CHAF1A: variants seen among roughly 807,000 people sequenced by gnomAD.
CHAF1A encodes the protein chromatin assembly factor 1 subunit A.
Under a neutral mutation model 93.2 loss-of-function variants are expected in CHAF1A, and 5 were observed. The observed-to-expected ratio is 0.05, with a 90% CI of 0.03 to 0.11. The LOEUF is 0.11. Among genes scored for constraint, CHAF1A ranks in the 10% least tolerant of loss-of-function variants. The pLI, the probability that CHAF1A is intolerant of heterozygous loss-of-function variation, is 1.00. For synonymous variants in CHAF1A, 504 were observed against 510.3 expected, an observed-to-expected ratio of 0.99 and a Z score of 0.17; for missense variants, 1,102 against 1,259.9, an observed-to-expected ratio of 0.87 and a Z score of 1.90.
chr19:4,403,260 C>A (rs919288688), intron 1 of CHAF1A, among the ~76,000 whole-genome samples: 1 of 152,124 alleles, frequency 6.6e-6, no homozygotes, highest in Non-Finnish European at 1.5e-5. Context: ...TCGGGGTAAG[C>A]CCGGGTAAGA....
chr19:4,447,046 C>T, downstream of CHAF1A: 1 of 917,260 alleles, frequency 1.1e-6, no homozygotes, highest in East Asian at 2.6e-5. Flanking sequence ...TGGGGCCCAG[C>T]CCTGGGGGTG....
intron 3 of CHAF1A, among the ~76,000 whole-genome samples, chr19:4,414,988 G>A (rs942066845): frequency 1.3e-5 from 2 of 152,174 alleles, no homozygotes; most frequent in Non-Finnish European, 2.9e-5. Flanking sequence ...TAGGCTCTGA[G>A]AGGATTATCT....
At chr19:4,402,848 G>T (rs1031786619) in intron 1 of CHAF1A, 34 bp downstream of exon 1, 54 of 1,170,162 alleles carry the variant, frequency 4.6e-5, no homozygotes, top group East Asian at 7.1e-5. Flanking sequence ...GGAAGGGGGG[G>T]CGCGGCGCGC....
At chr19:4,446,538 G>C, downstream of CHAF1A, 3 of 1,612,062 alleles carry the variant, frequency 1.9e-6, no homozygotes, top group Non-Finnish European at 2.5e-6. Context: ...CTGCTGTGAG[G>C]TTGAAGAAGT....
intron 13 of CHAF1A, among the ~76,000 whole-genome samples, chr19:4,441,775 G>A (rs547144937): frequency 2.6e-4 from 39 of 152,154 alleles, no homozygotes; most frequent in Non-Finnish European, 4.6e-4. Context: ...TCAGGCGCCT[G>A]TAGTCCCAGC....
intron 3 of CHAF1A, among the ~76,000 whole-genome samples, chr19:4,410,337 T>C (rs1599639192): frequency 6.6e-6 from 1 of 150,988 alleles, no homozygotes; most frequent in East Asian, 2.0e-4. Context: ...GAAGATCACT[T>C]CAAAACCAAC....
chr19:4,435,087 C>CT (rs869255408), intron 13 of CHAF1A, among the ~76,000 whole-genome samples: 32,243 of 87,860 alleles, frequency 0.37, 5,915 homozygotes, highest in Non-Finnish European at 0.39. Context: ...CTTTTTTTTC[C>CT]TTTTTTTTTT....
chr19:4,422,324 T>A lies in CHAF1A; in HGVS notation c.1018-242T>A, dbSNP rs1038387957. Among the ~76,000 whole-genome samples the A allele has an allele frequency of 1.3e-5, 2 of 151,452 alleles. No individual in the cohort carries two copies. Among genetic ancestry groups the A allele is most frequent in the African/African-American group, 2.4e-5 (1 of 40,954 alleles). On this transcript the variant is annotated intron_variant, in intron 4 of 14. Coordinates refer to ENST00000301280, the MANE Select transcript of CHAF1A (RefSeq NM_005483.3). This position sits in a 1 kb window ranked among gnomAD's most constrained non-coding sequence, Gnocchi z 4.6. The stretch of plus-strand genomic sequence containing the variant: ...CCACCGCGCGCAGCCAATTTTTGTA[T>A]TTTTAGTAGAGACAGGGTTTCACCC...
chr19:4,435,499 C>T (rs189348444), intron 13 of CHAF1A, among the ~76,000 whole-genome samples: 1 of 151,608 alleles, frequency 6.6e-6, no homozygotes, highest in African/African-American at 2.4e-5. Context: ...TTAGCCTCCT[C>T]AGTAGCTGAG....
At chr19:4,434,489 A>G (rs983759897) in intron 13 of CHAF1A, among the ~76,000 whole-genome samples, 1 of 152,154 alleles carries the variant, frequency 6.6e-6, no homozygotes, top group Admixed American at 6.6e-5. Context: ...GCTTCTCCCC[A>G]CTGAAAGGCC....
At chr19:4,415,301 C>T (rs1973878277) in intron 3 of CHAF1A, among the ~76,000 whole-genome samples, 1 of 152,116 alleles carries the variant, frequency 6.6e-6, no homozygotes, top group Non-Finnish European at 1.5e-5. Flanking sequence ...GCAGTAATTG[C>T]TCTGTTTTGG....
chr19:4,412,450 G>A (rs973298326), intron 3 of CHAF1A, among the ~76,000 whole-genome samples: 5 of 152,132 alleles, frequency 3.3e-5, no homozygotes, highest in Non-Finnish European at 4.4e-5. Context: ...AGGCTGAGGC[G>A]GGAGAACCGC....
chr19:4,423,196 G>A (rs1010574468), intron 5 of CHAF1A, 139 bp from the exon 6 acceptor site: 33 of 1,267,740 alleles, frequency 2.6e-5, no homozygotes, highest in Non-Finnish European at 3.3e-5. Flanking sequence ...CTATGTAAAA[G>A]CCTTATACTA....
intron 13 of CHAF1A, among the ~76,000 whole-genome samples, chr19:4,438,410 C>T (rs1974326422): frequency 6.6e-6 from 1 of 151,912 alleles, no homozygotes; most frequent in African/African-American, 2.4e-5. Context: ...GTTGCCCAGG[C>T]TGGTCTTTGA....
At chr19:4,404,467 AG>A (rs1472154043) in intron 1 of CHAF1A, among the ~76,000 whole-genome samples, 1 of 152,204 alleles carries the variant, frequency 6.6e-6, no homozygotes, top group Non-Finnish European at 1.5e-5. Context: ...TCCTTCAGTT[AG>A]GGGGTAGAAA....
chr19:4,424,582 G>A (rs984511909), intron 7 of CHAF1A, among the ~76,000 whole-genome samples: 22 of 152,122 alleles, frequency 1.4e-4, no homozygotes, highest in African/African-American at 4.8e-4. Context: ...TGTCACCTCA[G>A]CCTTCCCGAG....
chr19:4,450,272 G>C, the CHAF1A span: 1 of 148,208 alleles, frequency 6.7e-6, no homozygotes, highest in Non-Finnish European at 1.5e-5. Flanking sequence ...AATTCTCTCA[G>C]CATGGAAATG....
At chr19:4,404,096 C>T (rs1168412564) in intron 1 of CHAF1A, among the ~76,000 whole-genome samples, 2 of 151,842 alleles carry the variant, frequency 1.3e-5, no homozygotes, top group Non-Finnish European at 2.9e-5. Context: ...GCTGGGATTA[C>T]AGGCATGAGC....
At position 4,409,375 on chromosome 19, in the gene CHAF1A, T is replaced by A; in HGVS notation, c.576T>A (p.Gly192=). ...KTEEEGVGCG[G]AGRRGDSQEC... is the part of the protein sequence containing the mutation. ...AGGAGGAGGGTGTTGGCTGTGGAGG[T>A]GCAGGGAGGAGAGGCGACTCCCAGG... The change falls in exon 3 of 15, where the codon GGT becomes GGA. Residue 192 remains glycine (G), a synonymous_variant. Transcript: ENST00000301280. 6.2e-7 allele frequency: 1 copy of A among 1,613,722 alleles called. No homozygotes were observed. The highest frequency in any genetic ancestry group is 8.5e-7 in the Non-Finnish European group (1 of 1,179,944).
Sources: gnomAD v4.1 joint callset for allele counts (sites outside exome capture counted in the v4.1 genomes callset) on GRCh38, gnomAD v4.1.1 for gene constraint, Gnocchi (gnomAD v3.1) non-coding constraint, MANE v1.5 for transcripts, NCBI Gene and HGNC (gene_info 2026-07-23, HGNC 2026-07-21) for gene names.